PIGK: variants seen among roughly 807,000 people sequenced by gnomAD.
The protein encoded by PIGK is GPI-anchor transamidase.
A neutral mutation model predicts 50.6 loss-of-function variants in PIGK; 42 were observed. The ratio of observed to expected loss-of-function variants is 0.83; its 90% CI spans 0.65 to 1.07. The LOEUF is 1.07. PIGK is among the 50% of genes least tolerant of loss of function. The pLI is 0.00. For synonymous variants in PIGK, 151 were observed against 156.0 expected, an observed-to-expected ratio of 0.97 and a Z score of 0.24; for missense variants, 448 against 488.7, an observed-to-expected ratio of 0.92 and a Z score of 0.78.
intron 9 of PIGK, among the ~76,000 whole-genome samples, chr1:77,129,847 A>G (rs1196176966): frequency 6.6e-6 from 1 of 152,100 alleles, no homozygotes; most frequent in East Asian, 1.9e-4. Flanking sequence ...AAATTTTGCT[A>G]GAAACAAGTA....
intron 9 of PIGK, among the ~76,000 whole-genome samples, chr1:77,149,500 CAAAG>C (rs1557806357): frequency 6.6e-6 from 1 of 151,752 alleles, no homozygotes; most frequent in African/African-American, 2.4e-5. Flanking sequence ...TAAAAAGAAA[CAAAG>C]AAGGTCATCA....
At chr1:77,092,965 G>T (rs573625001) in intron 10 of PIGK, among the ~76,000 whole-genome samples, 3 of 152,020 alleles carry the variant, frequency 2.0e-5, no homozygotes, top group African/African-American at 7.2e-5. Flanking sequence ...AAGAACAAAC[G>T]CTACCCAATT....
At chr1:77,126,666 CA>C (rs1413513493) in intron 9 of PIGK, among the ~76,000 whole-genome samples, 2 of 152,094 alleles carry the variant, frequency 1.3e-5, no homozygotes, top group African/African-American at 2.4e-5. Flanking sequence ...ACCTTAAGGT[CA>C]TCCATACATT....
chr1:77,191,180 AAT>A (rs1655895244), intron 3 of PIGK, among the ~76,000 whole-genome samples: 1 of 152,224 alleles, frequency 6.6e-6, no homozygotes, highest in Non-Finnish European at 1.5e-5. Flanking sequence ...GGCTCACAGA[AAT>A]AGTCAAAATC....
At chr1:77,122,671 TAAAGGTCTTC>T (rs1447806060) in intron 9 of PIGK, among the ~76,000 whole-genome samples, 5 of 152,146 alleles carry the variant, frequency 3.3e-5, no homozygotes. Context: ...TCATAGCACT[TAAAGGTCTTC>T]AAAACCTGGC....
At chr1:77,119,607 G>A (rs1654049810) in intron 10 of PIGK, among the ~76,000 whole-genome samples, 1 of 152,196 alleles carries the variant, frequency 6.6e-6, no homozygotes, top group African/African-American at 2.4e-5. Context: ...GCATAAAATG[G>A]TAGTAGTGAG....
intron 10 of PIGK, among the ~76,000 whole-genome samples, chr1:77,116,576 G>A (rs1653973724): frequency 8.3e-6 from 1 of 120,090 alleles, no homozygotes; most frequent in South Asian, 3.0e-4. Context: ...GTGTGTGTGT[G>A]TGTGTGTGTG....
intron 3 of PIGK, among the ~76,000 whole-genome samples, chr1:77,172,008 C>T (rs1407576726): frequency 6.6e-6 from 1 of 151,822 alleles, no homozygotes; most frequent in Non-Finnish European, 1.5e-5. Context: ...ACATTATTTT[C>T]CAAAAACTAA....
chr1:77,175,516 A>G (rs558560065), intron 3 of PIGK, among the ~76,000 whole-genome samples: 96 of 152,328 alleles, frequency 6.3e-4, no homozygotes, highest in Non-Finnish European at 1.3e-3. Flanking sequence ...GAGACTACTG[A>G]AATAACAGTT....
intron 10 of PIGK, among the ~76,000 whole-genome samples, chr1:77,102,738 C>T (rs1481444650): frequency 6.6e-6 from 1 of 152,160 alleles, no homozygotes; most frequent in East Asian, 1.9e-4. Flanking sequence ...AAAACGCATA[C>T]AACAGCAGAA....
intron 3 of PIGK, among the ~76,000 whole-genome samples, chr1:77,198,836 A>T (rs1481763633): frequency 6.6e-6 from 1 of 152,084 alleles, no homozygotes; most frequent in African/African-American, 2.4e-5. Flanking sequence ...TGCAATGCCA[A>T]TGAGAATCCT....
intron 1 of PIGK, among the ~76,000 whole-genome samples, chr1:77,218,527 G>T (rs1455386292): frequency 2.0e-5 from 3 of 152,252 alleles, no homozygotes; most frequent in East Asian, 1.9e-4. Context: ...AAATGGAGGA[G>T]AAAAGGGGTG....
chr1:77,178,123 G>T (rs953335688), intron 3 of PIGK, among the ~76,000 whole-genome samples: 84 of 152,162 alleles, frequency 5.5e-4, no homozygotes, highest in African/African-American at 2.0e-3. Context: ...GAAGGATTTT[G>T]CAGCCAGTCT....
intron 9 of PIGK, among the ~76,000 whole-genome samples, chr1:77,133,076 AT>A (rs1438386521): frequency 6.6e-6 from 1 of 152,090 alleles, no homozygotes; most frequent in Non-Finnish European, 1.5e-5. Context: ...GAAAATGTTT[AT>A]TATCACTTTA....
At chr1:77,170,437 T>G (rs1261424293) in intron 3 of PIGK, among the ~76,000 whole-genome samples, 1 of 152,212 alleles carries the variant, frequency 6.6e-6, no homozygotes, top group Non-Finnish European at 1.5e-5. Context: ...AATTCCAGCC[T>G]TAGCTATGGT....
intron 9 of PIGK, among the ~76,000 whole-genome samples, chr1:77,143,355 T>A (rs1160511353): frequency 6.6e-6 from 1 of 152,118 alleles, no homozygotes; most frequent in Admixed American, 6.5e-5. Flanking sequence ...TCCATATTGT[T>A]AGGTTTTTTT....
At chr1:77,105,021 G>A (rs926657543) in intron 10 of PIGK, among the ~76,000 whole-genome samples, 5 of 152,130 alleles carry the variant, frequency 3.3e-5, no homozygotes, top group Admixed American at 1.3e-4. Context: ...AGGTACCCAC[G>A]CTTGGTGGGT....
intron 3 of PIGK, among the ~76,000 whole-genome samples, chr1:77,190,013 AT>A (rs1655861296): frequency 6.6e-6 from 1 of 152,016 alleles, no homozygotes. Flanking sequence ...TGGCGTTTGA[AT>A]TCAAACCCAG....
intron 3 of PIGK, among the ~76,000 whole-genome samples, chr1:77,169,985 C>T (rs1655324260): frequency 1.3e-5 from 2 of 152,132 alleles, no homozygotes. Context: ...CACAAATCCA[C>T]TCCATTTCCC....
Sources: gnomAD v4.1 joint callset for allele counts (sites outside exome capture counted in the v4.1 genomes callset) on GRCh38, gnomAD v4.1.1 for gene constraint, MANE v1.5 for transcripts, NCBI Gene and HGNC (gene_info 2026-07-23, HGNC 2026-07-21) for gene names.